Variants in UTRN observed in about 807,000 individuals in gnomAD.
The protein encoded by UTRN is dystrophin-related protein 1.
Under a neutral mutation model 463.9 loss-of-function variants are expected in UTRN, and 283 were observed. That is an observed-to-expected ratio of 0.61 (90% confidence interval 0.55 to 0.67). UTRN has a LOEUF of 0.67. Among genes scored for constraint, UTRN ranks in the 30% least tolerant of loss-of-function variants. The probability of loss-of-function intolerance (pLI) is 0.00; values close to 1 mark genes in which losing one functional copy is unlikely to be tolerated. For synonymous variants in UTRN, 1,442 were observed against 1,431.5 expected (o/e 1.01, Z -0.17); for missense variants, 3,922 against 4,084.3 (o/e 0.96, Z 1.08).
intron 51 of UTRN, among the ~76,000 whole-genome samples, chr6:144,626,039 C>T (rs961680549): frequency 1.3e-5 from 2 of 152,096 alleles, no homozygotes; most frequent in Non-Finnish European, 2.9e-5. Context: ...AAATTAGGGG[C>T]TGACAGTGAC....
rs1043450352 is a variant in UTRN, at chr6:144,761,827, G to C, written c.8495+3838G>C. 3.3e-5 allele frequency among the ~76,000 whole-genome samples: 5 copies of C among 152,174 alleles called. No homozygotes were observed. In the East Asian group the frequency reaches 9.6e-4, roughly 29 times the overall value. On this transcript the variant is annotated intron_variant, in intron 58 of 74. Transcript: ENST00000367545. Reference sequence around the variant, plus strand: ...TTCCTCAGATAAAAGTCAACTTCCAGGGAATATGAGGAATAAGAGGAATGA... The same window carrying C: ...TTCCTCAGATAAAAGTCAACTTCCACGGAATATGAGGAATAAGAGGAATGA...
At chr6:144,685,644 T>C (rs9403580) in intron 52 of UTRN, among the ~76,000 whole-genome samples, 15,367 of 152,250 alleles carry the variant, frequency 0.1, 1,344 homozygotes, top group East Asian at 0.49. Context: ...ATATGTTTGT[T>C]GCCCAGTTGT....
chr6:144,789,773 A>G (rs542937815), intron 62 of UTRN, among the ~76,000 whole-genome samples: 1 of 152,358 alleles, frequency 6.6e-6, no homozygotes, highest in African/African-American at 2.4e-5. Flanking sequence ...GTCATAGACG[A>G]TAATCCTAAA....
intron 58 of UTRN, 169 bp downstream of exon 58, chr6:144,758,158 T>C (rs1792218787): frequency 3.7e-6 from 2 of 535,060 alleles, no homozygotes; most frequent in Non-Finnish European, 6.4e-6. Context: ...ATGAGAATTA[T>C]ATTTTTCATG....
chr6:144,822,891 T>C (rs1374989985), intron 66 of UTRN, among the ~76,000 whole-genome samples: 5 of 152,156 alleles, frequency 3.3e-5, no homozygotes, highest in Non-Finnish European at 7.4e-5. Context: ...ATGTGCCTTT[T>C]AATCTTTTGC....
At chr6:144,447,922 C>T (rs1787856480) in intron 16 of UTRN, 141 bp downstream of exon 16, 2 of 696,314 alleles carry the variant, frequency 2.9e-6, no homozygotes, top group East Asian at 3.1e-5. Context: ...TGAAAATCAC[C>T]TTCAGTTTTC....
intron 3 of UTRN, among the ~76,000 whole-genome samples, chr6:144,417,676 G>A (rs1784469077): frequency 6.6e-6 from 1 of 152,150 alleles, no homozygotes; most frequent in South Asian, 2.1e-4. Flanking sequence ...TGACATGTGG[G>A]AATTATGTGA....
chr6:144,682,227 C>T (rs890074999), intron 52 of UTRN, among the ~76,000 whole-genome samples: 2 of 152,076 alleles, frequency 1.3e-5, no homozygotes, highest in Non-Finnish European at 2.9e-5. Context: ...TTTTAGATCC[C>T]CAAAATAACT....
intron 32 of UTRN, among the ~76,000 whole-genome samples, chr6:144,492,256 T>G (rs937082039): frequency 6.6e-6 from 1 of 152,232 alleles, no homozygotes; most frequent in South Asian, 2.1e-4. Flanking sequence ...CTCCCACTTA[T>G]AAGTGAGAAC....
chr6:144,807,541 C>G (rs1348545760), intron 65 of UTRN, among the ~76,000 whole-genome samples: 2 of 152,056 alleles, frequency 1.3e-5, no homozygotes, highest in Admixed American at 6.6e-5. Flanking sequence ...AAGAGTTGAT[C>G]TTCAAGAGAC....
At chr6:144,427,247 A>T (rs910648111) in intron 7 of UTRN, among the ~76,000 whole-genome samples, 4 of 152,206 alleles carry the variant, frequency 2.6e-5, no homozygotes, top group African/African-American at 4.8e-5. Context: ...ACTAAAAAAA[A>T]AATAATAATT....
intron 54 of UTRN, among the ~76,000 whole-genome samples, chr6:144,744,318 ATATGTGTGTGTGTG>A (rs1248744369): frequency 4.1e-4 from 55 of 135,592 alleles, no homozygotes; most frequent in African/African-American, 1.5e-3. Context: ...ATATATATAT[ATATGTGTGTGTGTG>A]TGTGTGTGTG....
At chr6:144,314,527 C>G (rs1775153542) in intron 2 of UTRN, among the ~76,000 whole-genome samples, 1 of 152,200 alleles carries the variant, frequency 6.6e-6, no homozygotes, top group South Asian at 2.1e-4. Context: ...ACTCCCCATC[C>G]CTTATCCAAA....
chr6:144,732,481 T>C (rs954503246), intron 54 of UTRN, among the ~76,000 whole-genome samples: 1 of 151,840 alleles, frequency 6.6e-6, no homozygotes, highest in African/African-American at 2.4e-5. Flanking sequence ...GTGCAACACG[T>C]AGTATTTGCC....
At chr6:144,826,597 A>T (rs1780208265) in intron 66 of UTRN, among the ~76,000 whole-genome samples, 1 of 152,168 alleles carries the variant, frequency 6.6e-6, no homozygotes, top group Non-Finnish European at 1.5e-5. Flanking sequence ...CATCCCCAGC[A>T]TTAAGAGTGA....
At chr6:144,380,719 G>A (rs1426583648) in intron 2 of UTRN, among the ~76,000 whole-genome samples, 1 of 152,166 alleles carries the variant, frequency 6.6e-6, no homozygotes, top group South Asian at 2.1e-4. Flanking sequence ...GGAGGCTGAG[G>A]TGGGAGGATT....
intron 55 of UTRN, among the ~76,000 whole-genome samples, chr6:144,749,079 G>C (rs537395246): frequency 1.3e-5 from 2 of 152,160 alleles, no homozygotes; most frequent in East Asian, 3.9e-4. Context: ...TGAAGAATTA[G>C]TTTAGCTATA....
At chr6:144,748,896 G>A (rs938081102) in intron 55 of UTRN, among the ~76,000 whole-genome samples, 1 of 151,844 alleles carries the variant, frequency 6.6e-6, no homozygotes, top group African/African-American at 2.4e-5. Flanking sequence ...TGTTTGTTTT[G>A]TATTGATTCC....
chr6:144,495,245 G>C (rs991013818), intron 33 of UTRN, among the ~76,000 whole-genome samples: 17 of 152,314 alleles, frequency 1.1e-4, no homozygotes, highest in Admixed American at 3.3e-4. Context: ...GCCCATGGAG[G>C]GGGTGGGAGG....
Sources: allele counts gnomAD v4.1 joint callset (sites outside exome capture counted in the v4.1 genomes callset), GRCh38; gene constraint gnomAD v4.1.1; transcripts MANE v1.5; gene names NCBI Gene and HGNC (gene_info 2026-07-23, HGNC 2026-07-21).